The following CA10 variants were observed in gnomAD, a reference collection of about 807,000 sequenced individuals.
CA10 encodes the protein carbonic anhydrase-related protein 10.
Under a neutral mutation model 44.2 loss-of-function variants are expected in CA10, and 14 were observed. That is an observed-to-expected ratio of 0.32 (90% CI 0.21 to 0.50). The LOEUF is 0.50. CA10 is among the 20% of genes least tolerant of loss of function. CA10 has a pLI of 0.99. For missense variants in CA10, 350 were observed against 409.7 expected, an observed-to-expected ratio of 0.85 and a Z score of 1.26; for synonymous variants, 159 against 141.6, an observed-to-expected ratio of 1.12 and a Z score of -0.87.
At chr17:52,025,036 C>G (rs1293284218) in intron 2 of CA10, among the ~76,000 whole-genome samples, 1 of 151,924 alleles carries the variant, frequency 6.6e-6, no homozygotes, top group Non-Finnish European at 1.5e-5. Flanking sequence ...CCTTAATATA[C>G]AGTAAGTATG....
At chr17:51,928,770 G>T (rs1982531742) in intron 3 of CA10, among the ~76,000 whole-genome samples, 1 of 152,114 alleles carries the variant, frequency 6.6e-6, no homozygotes, top group African/African-American at 2.4e-5. Flanking sequence ...GCAGTGATTT[G>T]AATTCTCACT....
chr17:51,788,061 A>T (rs1906364815), intron 3 of CA10, among the ~76,000 whole-genome samples: 1 of 151,526 alleles, frequency 6.6e-6, no homozygotes, highest in Non-Finnish European at 1.5e-5. Context: ...GCTTATTTGA[A>T]ATTTTTCTTC....
At chr17:51,735,618 A>C (rs1017397878) in intron 4 of CA10, among the ~76,000 whole-genome samples, 2 of 152,208 alleles carry the variant, frequency 1.3e-5, no homozygotes, top group African/African-American at 4.8e-5. Context: ...TAATAAAAAC[A>C]ACCATTTTTG....
At chr17:52,010,629 G>T (rs1343009506) in intron 2 of CA10, among the ~76,000 whole-genome samples, 2 of 151,788 alleles carry the variant, frequency 1.3e-5, no homozygotes, top group African/African-American at 4.8e-5. Flanking sequence ...GGAAAATGTG[G>T]GGGATGGTGA....
intron 1 of CA10, among the ~76,000 whole-genome samples, chr17:52,092,585 C>A (rs73987412): frequency 6.6e-6 from 1 of 152,052 alleles, no homozygotes; most frequent in Non-Finnish European, 1.5e-5. Flanking sequence ...GCCTAAGATG[C>A]AAACTGACCT....
intron 1 of CA10, among the ~76,000 whole-genome samples, chr17:52,110,054 G>T (rs1265978114): frequency 6.6e-6 from 1 of 152,114 alleles, no homozygotes; most frequent in Non-Finnish European, 1.5e-5. Context: ...CAAACACAAA[G>T]CATAAAATAC....
At chr17:52,114,531 C>G (rs1266004187) in intron 1 of CA10, among the ~76,000 whole-genome samples, 3 of 152,216 alleles carry the variant, frequency 2.0e-5, no homozygotes, top group Admixed American at 2.0e-4. Context: ...TTGAACTATA[C>G]ATAGTAAATT....
At chr17:51,751,613 C>T (rs1904893325) in intron 3 of CA10, among the ~76,000 whole-genome samples, 1 of 152,190 alleles carries the variant, frequency 6.6e-6, no homozygotes, top group Non-Finnish European at 1.5e-5. Flanking sequence ...ATGTCTTCCC[C>T]AATTCCCAGA....
At chr17:51,802,505 C>T (rs1448229594) in intron 3 of CA10, among the ~76,000 whole-genome samples, 1 of 142,946 alleles carries the variant, frequency 7.0e-6, no homozygotes, top group Non-Finnish European at 1.5e-5. Context: ...AGGCTAGTGC[C>T]TTCAGACCGA....
chr17:51,773,936 A>G (rs1905708025), intron 3 of CA10, among the ~76,000 whole-genome samples: 1 of 152,166 alleles, frequency 6.6e-6, no homozygotes, highest in South Asian at 2.1e-4. Flanking sequence ...TTTATCAGCT[A>G]CTAGCCAGAA....
At chr17:51,870,191 C>G (rs1979738388) in intron 3 of CA10, among the ~76,000 whole-genome samples, 1 of 152,232 alleles carries the variant, frequency 6.6e-6, no homozygotes, top group Admixed American at 6.5e-5. Context: ...AGAATTCTGT[C>G]AATGACTGAT....
intron 3 of CA10, among the ~76,000 whole-genome samples, chr17:51,918,252 A>G (rs959227103): frequency 2.6e-5 from 4 of 152,190 alleles, no homozygotes; most frequent in Non-Finnish European, 4.4e-5. Flanking sequence ...TTATACTGAG[A>G]ATAGTGAAAA....
intron 1 of CA10, among the ~76,000 whole-genome samples, chr17:52,113,797 A>C (rs1260483739): frequency 6.6e-6 from 1 of 152,266 alleles, no homozygotes; most frequent in Non-Finnish European, 1.5e-5. Context: ...TTTCATTTAA[A>C]ATAAACATTA....
intron 3 of CA10, among the ~76,000 whole-genome samples, chr17:51,809,400 T>C (rs548421401): frequency 7.0e-4 from 106 of 152,212 alleles, no homozygotes; most frequent in Non-Finnish European, 1.2e-3. Flanking sequence ...AAGAAAAGTA[T>C]AGCCCTTTAT....
chr17:51,685,267 G>A (rs923197940), intron 4 of CA10, among the ~76,000 whole-genome samples: 1 of 152,180 alleles, frequency 6.6e-6, no homozygotes, highest in African/African-American at 2.4e-5. Flanking sequence ...TGAAGACCCA[G>A]ATTTGCCGTC....
intron 3 of CA10, among the ~76,000 whole-genome samples, chr17:51,907,432 T>C (rs898935158): frequency 6.6e-6 from 1 of 152,142 alleles, no homozygotes; most frequent in Non-Finnish European, 1.5e-5. Context: ...GTTTTATTTA[T>C]TAACTTACCA....
chr17:51,673,810 C>T (rs577457398), intron 4 of CA10, among the ~76,000 whole-genome samples: 1 of 152,194 alleles, frequency 6.6e-6, no homozygotes, highest in Non-Finnish European at 1.5e-5. Flanking sequence ...AATGTCCAGG[C>T]TCTTTTATCC....
intron 4 of CA10, among the ~76,000 whole-genome samples, chr17:51,668,850 G>A (rs896430289): frequency 3.6e-4 from 55 of 152,290 alleles, no homozygotes; most frequent in African/African-American, 1.0e-3. Context: ...TGGGCTCAGC[G>A]CGCCCACACT....
chr17:51,871,581 C>T (rs557271517), intron 3 of CA10, among the ~76,000 whole-genome samples: 10 of 151,012 alleles, frequency 6.6e-5, no homozygotes, highest in South Asian at 2.1e-4. Context: ...GATGGGGTTA[C>T]GCCATGTTGG....
Sources: gnomAD v4.1 joint callset for allele counts (sites outside exome capture counted in the v4.1 genomes callset) on GRCh38, gnomAD v4.1.1 for gene constraint, MANE v1.5 for transcripts, NCBI Gene and HGNC (gene_info 2026-07-23, HGNC 2026-07-21) for gene names.